The following GLRA2 variants were observed in gnomAD, a reference collection of about 807,000 sequenced individuals.
GLRA2 encodes glycine receptor subunit alpha-2.
Under a neutral mutation model 31.6 loss-of-function variants are expected in GLRA2, and 11 were observed. The ratio of observed to expected loss-of-function variants is 0.35; its 90% CI spans 0.22 to 0.58. GLRA2 has a LOEUF of 0.58. GLRA2 is among the 20% of genes least tolerant of loss of function. GLRA2 has a pLI of 0.84. For synonymous variants in GLRA2, 132 were observed against 134.0 expected (o/e 0.99, Z 0.10); for missense variants, 212 against 351.8 (o/e 0.60, Z 3.18).
intron 7 of GLRA2, among the ~76,000 whole-genome samples, chrX:14,609,870 G>A (rs1387824052): frequency 3.6e-5 from 4 of 111,480 alleles, no homozygotes; most frequent in African/African-American, 9.8e-5. Context: ...GTGTGGGATC[G>A]ATATCAGGGA....
chrX:14,649,585 A>G (rs1334090130), intron 7 of GLRA2, among the ~76,000 whole-genome samples: 1 of 112,166 alleles, frequency 8.9e-6, no homozygotes, highest in Non-Finnish European at 1.9e-5. Flanking sequence ...GGAGAAGAAT[A>G]AACTCATGAC....
intron 7 of GLRA2, among the ~76,000 whole-genome samples, chrX:14,672,049 A>G (rs1487717624): frequency 8.9e-6 from 1 of 112,094 alleles, no homozygotes; most frequent in East Asian, 2.8e-4. Flanking sequence ...AGAATAGCAG[A>G]ACCCTTGAAA....
At chrX:14,657,083 C>T (rs947852747) in intron 7 of GLRA2, among the ~76,000 whole-genome samples, 4 of 111,736 alleles carry the variant, frequency 3.6e-5, no homozygotes, top group African/African-American at 9.8e-5. Context: ...GATGGTCAAG[C>T]GCTAGACAAA....
At chrX:14,527,589 C>T (rs1026249713), upstream of GLRA2, among the ~76,000 whole-genome samples, 2 of 105,992 alleles carry the variant, frequency 1.9e-5, no homozygotes, top group African/African-American at 3.5e-5. Context: ...CACTCCAGCC[C>T]GGTGACAGAG....
upstream of GLRA2, among the ~76,000 whole-genome samples, chrX:14,525,446 T>G (rs1569483559): frequency 8.9e-6 from 1 of 111,908 alleles, no homozygotes; most frequent in Non-Finnish European, 1.9e-5. Context: ...TGAGATTAAA[T>G]AAATTAAGTA....
At chrX:14,496,833 T>C in the GLRA2 span, among the ~76,000 whole-genome samples, 2 of 111,773 alleles carry the variant, frequency 1.8e-5, no homozygotes, top group Non-Finnish European at 3.8e-5. Context: ...TTGCTGTCTT[T>C]ATTAAGGAAT....
chrX:14,458,788 G>A, the GLRA2 span, among the ~76,000 whole-genome samples: 1 of 111,611 alleles, frequency 9.0e-6, no homozygotes, highest in African/African-American at 3.3e-5. Flanking sequence ...TGTCAGATGA[G>A]TAGATTGCAA....
the GLRA2 span, among the ~76,000 whole-genome samples, chrX:14,485,493 G>A: frequency 2.1e-4 from 23 of 111,345 alleles, no homozygotes; most frequent in Non-Finnish European, 4.0e-4. Context: ...TATTTATGGT[G>A]TACAACATGA....
At chrX:14,675,824 T>C (rs2091139565) in intron 7 of GLRA2, among the ~76,000 whole-genome samples, 1 of 112,087 alleles carries the variant, frequency 8.9e-6, no homozygotes, top group African/African-American at 3.2e-5. Flanking sequence ...TATATTTTTT[T>C]CTCGTGATAC....
chrX:14,460,391 T>A, the GLRA2 span, among the ~76,000 whole-genome samples: 4 of 111,961 alleles, frequency 3.6e-5, no homozygotes, highest in Non-Finnish European at 5.6e-5. Flanking sequence ...CCACATAAAA[T>A]GCGTTAGGGA....
chrX:14,463,112 G>C, the GLRA2 span, among the ~76,000 whole-genome samples: 295 of 111,689 alleles, frequency 2.6e-3, 1 homozygote, highest in African/African-American at 9.4e-3. Flanking sequence ...CCCCTCAGCT[G>C]CAGGTCTGTT....
chrX:14,651,679 T>C (rs1403470938), intron 7 of GLRA2, among the ~76,000 whole-genome samples: 1 of 111,861 alleles, frequency 8.9e-6, no homozygotes, highest in Non-Finnish European at 1.9e-5. Context: ...AAGTACAATC[T>C]ATAATGCTTG....
At chrX:14,504,861 T>C in the GLRA2 span, among the ~76,000 whole-genome samples, 2 of 112,001 alleles carry the variant, frequency 1.8e-5, no homozygotes, top group Admixed American at 9.5e-5. Context: ...TATGATGTTT[T>C]TCAAGCCTGT....
chrX:14,695,973 A>T (rs1415879842), intron 8 of GLRA2, among the ~76,000 whole-genome samples: 1 of 110,539 alleles, frequency 9.0e-6, no homozygotes, highest in Non-Finnish European at 1.9e-5. Context: ...AACAATCAGG[A>T]GGTATGTGTT....
At chrX:14,588,021 C>T (rs1197775223) in intron 4 of GLRA2, among the ~76,000 whole-genome samples, 1 of 107,850 alleles carries the variant, frequency 9.3e-6, no homozygotes, top group Non-Finnish European at 1.9e-5. Context: ...ATTTTCTTGC[C>T]TCAGCCTGCC....
intron 7 of GLRA2, among the ~76,000 whole-genome samples, chrX:14,674,283 C>T (rs1402942038): frequency 8.9e-6 from 1 of 112,004 alleles, no homozygotes; most frequent in Non-Finnish European, 1.9e-5. Context: ...CAATGAAGTT[C>T]CATTTATGTG....
intron 2 of GLRA2, among the ~76,000 whole-genome samples, chrX:14,546,020 T>C (rs780888453): frequency 9.0e-6 from 1 of 111,498 alleles, no homozygotes; most frequent in South Asian, 3.8e-4. Context: ...AGAGGCCTTT[T>C]TAAATAGATG....
At chrX:14,472,148 A>G in the GLRA2 span, among the ~76,000 whole-genome samples, 5 of 111,968 alleles carry the variant, frequency 4.5e-5, no homozygotes, top group African/African-American at 1.6e-4. Flanking sequence ...CTGTTCAAAT[A>G]GGTTGCCTAG....
chrX:14,454,188 C>CCACACA, the GLRA2 span, among the ~76,000 whole-genome samples: 1 of 101,492 alleles, frequency 9.9e-6, no homozygotes, highest in Non-Finnish European at 2.0e-5. Context: ...ACCCACACAC[C>CCACACA]CACACACACA....
Sources: gnomAD v4.1 joint callset for allele counts (sites outside exome capture counted in the v4.1 genomes callset) on GRCh38, gnomAD v4.1.1 for gene constraint, MANE v1.5 for transcripts, NCBI Gene and HGNC (gene_info 2026-07-23, HGNC 2026-07-21) for gene names.